The following SDK1 variants were observed in gnomAD, a reference collection of about 807,000 sequenced individuals.
The protein encoded by SDK1 is sidekick cell adhesion molecule 1.
A neutral mutation model predicts 245.5 loss-of-function variants in SDK1; 157 were observed. The ratio of observed to expected loss-of-function variants is 0.64; its 90% CI spans 0.56 to 0.73. The LOEUF (loss-of-function observed/expected upper bound fraction) is 0.73, where lower values mean the gene tolerates loss of function less well. Ranked by LOEUF, SDK1 falls within the 30% of genes least tolerant of loss-of-function variation. The probability of loss-of-function intolerance (pLI) is 0.00; values close to 1 mark genes in which losing one functional copy is unlikely to be tolerated. For missense variants in SDK1, 3,583 were observed against 3,002.3 expected (o/e 1.19, Z -4.52); for synonymous variants, 1,647 against 1,278.5 (o/e 1.29, Z -6.15).
intron 1 of SDK1, among the ~76,000 whole-genome samples, chr7:3,373,401 T>C (rs1781275276): frequency 6.6e-6 from 1 of 152,210 alleles, no homozygotes; most frequent in Non-Finnish European, 1.5e-5. Context: ...AACAAGTCAA[T>C]GACAGAAAAC....
intron 4 of SDK1, among the ~76,000 whole-genome samples, chr7:3,659,576 T>C (rs1329644637): frequency 1.3e-5 from 2 of 152,066 alleles, no homozygotes. Context: ...TGGCCCAAAG[T>C]GACGTCGGCA....
chr7:3,586,817 G>T lies in SDK1; in HGVS notation c.299-32263G>T, dbSNP rs180904506. ...TCATGTGGGATGTCTTTATGTTTTG[G>T]GGGCAAGGGGAAAGCACTCACTGAA... On this transcript the variant is annotated intron_variant, in intron 1 of 44. Transcript: ENST00000404826. Among the ~76,000 whole-genome samples the T allele has an allele frequency of 3.3e-5, 5 of 152,290 alleles. No individual in the cohort carries two copies. The East Asian group carries it at 9.6e-4, about 29-fold the overall frequency.
At chr7:3,603,108 G>A (rs895088039) in intron 1 of SDK1, among the ~76,000 whole-genome samples, 2 of 150,904 alleles carry the variant, frequency 1.3e-5, no homozygotes, top group African/African-American at 4.9e-5. Flanking sequence ...TTTGAAGTCA[G>A]GTAGCGTGAT....
intron 1 of SDK1, among the ~76,000 whole-genome samples, chr7:3,618,378 C>G (rs923860026): frequency 6.6e-6 from 1 of 152,186 alleles, no homozygotes; most frequent in African/African-American, 2.4e-5. Context: ...TGGCTGTGAA[C>G]TTTTATGAAC....
At chr7:3,574,741 T>G (rs1245214773) in intron 1 of SDK1, among the ~76,000 whole-genome samples, 1 of 151,948 alleles carries the variant, frequency 6.6e-6, no homozygotes, top group African/African-American at 2.4e-5. Context: ...AGGAAAACAT[T>G]TCATTTAAAG....
intron 33 of SDK1, among the ~76,000 whole-genome samples, chr7:4,175,470 T>C (rs957047280): frequency 6.6e-6 from 1 of 152,162 alleles, no homozygotes; most frequent in African/African-American, 2.4e-5. Context: ...AGAAAAGGTG[T>C]CCTGCCACTC....
intron 1 of SDK1, among the ~76,000 whole-genome samples, chr7:3,405,915 T>A (rs2009182): frequency 1.3e-5 from 2 of 150,718 alleles, no homozygotes; most frequent in Non-Finnish European, 3.0e-5. Flanking sequence ...CAGGTTCAAG[T>A]GATTCTTCTG....
intron 40 of SDK1, among the ~76,000 whole-genome samples, chr7:4,232,408 T>TTTTTTTTTTTTTTTTTTTTTTTTTTTTTA (rs1785846761): frequency 1.3e-5 from 1 of 75,834 alleles, no homozygotes; most frequent in African/African-American, 4.8e-5. Context: ...TTTTCTTTTC[T>TTTTTTTTTTTTTTTTTTTTTTTTTTTTTA]TTCTTTTTTT....
chr7:3,524,992 A>G (rs1783072819), intron 1 of SDK1, among the ~76,000 whole-genome samples: 1 of 152,204 alleles, frequency 6.6e-6, no homozygotes, highest in African/African-American at 2.4e-5. Context: ...ATTGTGGATC[A>G]GAAATAGGTG....
intron 25 of SDK1, among the ~76,000 whole-genome samples, chr7:4,126,674 C>T (rs192594381): frequency 3.3e-5 from 5 of 152,328 alleles, no homozygotes; most frequent in Admixed American, 1.3e-4. Context: ...GAGCCAAGAT[C>T]GCACCACTGC....
intron 1 of SDK1, among the ~76,000 whole-genome samples, chr7:3,524,814 A>C (rs1253173108): frequency 6.6e-6 from 1 of 152,160 alleles, no homozygotes; most frequent in Non-Finnish European, 1.5e-5. Flanking sequence ...AGATTAGAAA[A>C]AAAATTGGAG....
At chr7:3,391,801 T>C (rs1456284276) in intron 1 of SDK1, among the ~76,000 whole-genome samples, 1 of 151,846 alleles carries the variant, frequency 6.6e-6, no homozygotes, top group Non-Finnish European at 1.5e-5. Flanking sequence ...CTAATTTTTG[T>C]ATTTTTTTGT....
chr7:3,505,132 T>C (rs138846970), intron 1 of SDK1, among the ~76,000 whole-genome samples: 2,560 of 152,332 alleles, frequency 0.017, 85 homozygotes, highest in African/African-American at 0.059. Context: ...AGTAGGAATG[T>C]TACTTTTTTC....
At chr7:3,503,113 G>C (rs1362389072) in intron 1 of SDK1, among the ~76,000 whole-genome samples, 3 of 152,150 alleles carry the variant, frequency 2.0e-5, no homozygotes, top group South Asian at 2.1e-4. Flanking sequence ...TGGTGTGCTT[G>C]CTGCAATCTT....
chr7:3,396,397 A>C (rs73296355), intron 1 of SDK1, among the ~76,000 whole-genome samples: 6 of 151,768 alleles, frequency 4.0e-5, no homozygotes, highest in African/African-American at 9.7e-5. Context: ...GATGTGTGTT[A>C]AGGTAAGTTG....
intron 1 of SDK1, among the ~76,000 whole-genome samples, chr7:3,359,506 T>A (rs1171822088): frequency 4.6e-5 from 7 of 152,170 alleles, no homozygotes; most frequent in Non-Finnish European, 8.8e-5. Context: ...TAGTTTTTAA[T>A]TTTTTGATTG....
chr7:4,225,432 T>C (rs1649854782), intron 40 of SDK1, among the ~76,000 whole-genome samples: 1 of 152,102 alleles, frequency 6.6e-6, no homozygotes, highest in Admixed American at 6.5e-5. Context: ...GATGGGGCGG[T>C]ACCAGCCAGA....
At chr7:4,164,754 G>T (rs1372268668) in intron 32 of SDK1, among the ~76,000 whole-genome samples, 1 of 152,216 alleles carries the variant, frequency 6.6e-6, no homozygotes, top group Non-Finnish European at 1.5e-5. Flanking sequence ...CCTTGGTGCT[G>T]CTGGACAGCT....
At chr7:3,984,275 A>G (rs1160813150) in intron 13 of SDK1, among the ~76,000 whole-genome samples, 3 of 152,142 alleles carry the variant, frequency 2.0e-5, no homozygotes, top group Non-Finnish European at 4.4e-5. Context: ...CTGCCCCGTG[A>G]GTAGCCTCCA....
Sources: gnomAD v4.1 joint callset for allele counts (sites outside exome capture counted in the v4.1 genomes callset) on GRCh38, gnomAD v4.1.1 for gene constraint, MANE v1.5 for transcripts, NCBI Gene and HGNC (gene_info 2026-07-23, HGNC 2026-07-21) for gene names.